ROBO2: variants seen among roughly 807,000 people sequenced by gnomAD.
ROBO2 encodes the protein roundabout guidance receptor 2.
A neutral mutation model predicts 160.8 loss-of-function variants in ROBO2; 53 were observed. That is an observed-to-expected ratio of 0.33 (90% CI 0.26 to 0.41). ROBO2 has a LOEUF of 0.41. ROBO2 is among the 10% of genes least tolerant of loss of function. ROBO2 has a pLI of 1.00. For missense variants in ROBO2, 1,577 were observed against 1,722.4 expected (o/e 0.92, Z 1.49); for synonymous variants, 664 against 611.7 (o/e 1.09, Z -1.26).
At chr3:77,243,569 A>G (rs1007737901) in intron 2 of ROBO2, among the ~76,000 whole-genome samples, 6 of 152,276 alleles carry the variant, frequency 3.9e-5, no homozygotes, top group Admixed American at 1.3e-4. Flanking sequence ...CTTTGCTACT[A>G]TAGTCCCCTC....
Position 76,828,746 on chromosome 3 carries a change from C to T in ROBO2, c.110-269268C>T, listed in dbSNP as rs2066801516. Among the ~76,000 whole-genome samples, 2 of 152,076 alleles carry T rather than the reference C, an allele frequency of 1.3e-5. 1 individual carries two copies. Among genetic ancestry groups the T allele is most frequent in the South Asian group, 4.1e-4 (2 of 4,830 alleles). Reference sequence around the variant, plus strand: ...AAATATATCTAAGCATACCTGGTCCCTTGATATTTTTCTTATCCTTTATGT... The same window carrying T: ...AAATATATCTAAGCATACCTGGTCCTTTGATATTTTTCTTATCCTTTATGT... On this transcript the variant is annotated intron_variant, in intron 2 of 26. Coordinates refer to the ROBO2 transcript ENST00000487694.
At chr3:77,311,719 A>T (rs551309077) in intron 2 of ROBO2, among the ~76,000 whole-genome samples, 1 of 152,272 alleles carries the variant, frequency 6.6e-6, no homozygotes, top group South Asian at 2.1e-4. Flanking sequence ...TGGATCACTA[A>T]TCTCTTTTTC....
intron 2 of ROBO2, among the ~76,000 whole-genome samples, chr3:77,406,710 A>G (rs2076280939): frequency 1.3e-5 from 2 of 152,116 alleles, no homozygotes. Context: ...TTGTTTTCAC[A>G]TATTTTGAAA....
intron 2 of ROBO2, among the ~76,000 whole-genome samples, chr3:77,200,578 A>G (rs951203405): frequency 6.6e-6 from 1 of 151,962 alleles, no homozygotes; most frequent in Non-Finnish European, 1.5e-5. Flanking sequence ...TTTGTCTTGC[A>G]TAAAGACGAT....
intron 2 of ROBO2, among the ~76,000 whole-genome samples, chr3:77,396,758 A>G (rs1193080416): frequency 1.3e-5 from 2 of 152,100 alleles, no homozygotes; most frequent in Non-Finnish European, 2.9e-5. Context: ...GCAAAAGTAC[A>G]TTCAGTTGTT....
At chr3:76,809,754 G>A (rs952805300) in intron 2 of ROBO2, among the ~76,000 whole-genome samples, 1 of 151,992 alleles carries the variant, frequency 6.6e-6, no homozygotes, top group Non-Finnish European at 1.5e-5. Context: ...TTTAAAGGAG[G>A]CATTCTTTTT....
At chr3:77,222,881 G>A (rs1393622213) in intron 2 of ROBO2, among the ~76,000 whole-genome samples, 1 of 152,130 alleles carries the variant, frequency 6.6e-6, no homozygotes, top group Non-Finnish European at 1.5e-5. Flanking sequence ...GGTGTACAAA[G>A]CACTTAAAGC....
intron 2 of ROBO2, among the ~76,000 whole-genome samples, chr3:76,365,892 C>A (rs1178325822): frequency 1.3e-5 from 2 of 152,014 alleles, no homozygotes; most frequent in African/African-American, 2.4e-5. Flanking sequence ...AAACCAAAGA[C>A]AAAATGTCAC....
chr3:77,286,256 C>CTTTT lies in ROBO2; in HGVS notation c.388+187932_388+187935dup, dbSNP rs10663209. Among the ~76,000 whole-genome samples the CTTTT allele has an allele frequency of 9.0e-4, 108 of 119,834 alleles. 2 individuals are homozygous for CTTTT. Among genetic ancestry groups the CTTTT allele is most frequent in the African/African-American group, 2.8e-3 (87 of 31,366 alleles). 78.6% of individuals were successfully genotyped at this position (119,834 alleles called of 152,430 possible). ...AGCCTAGAAACACAAAATTATGGAG[C>CTTTT]TTTTTTTTTTTTTTTTTTTGAGCTT... On this transcript the variant is annotated intron_variant, in intron 2 of 25. Coordinates refer to ENST00000461745, the Ensembl canonical transcript of ROBO2.
chr3:77,181,378 A>G (rs2080769101), intron 2 of ROBO2, among the ~76,000 whole-genome samples: 1 of 152,158 alleles, frequency 6.6e-6, no homozygotes, highest in Non-Finnish European at 1.5e-5. Flanking sequence ...ATTTCCATAT[A>G]TATTCCAAAG....
At chr3:76,878,682 T>C (rs2073033012) in intron 2 of ROBO2, among the ~76,000 whole-genome samples, 1 of 152,144 alleles carries the variant, frequency 6.6e-6, no homozygotes, top group Admixed American at 6.6e-5. Flanking sequence ...AACATAGTTT[T>C]TATAGTTGGA....
chr3:77,339,817 T>A (rs1366118156), intron 2 of ROBO2, among the ~76,000 whole-genome samples: 6 of 152,018 alleles, frequency 3.9e-5, no homozygotes, highest in African/African-American at 1.4e-4. Context: ...TTCATAGGAT[T>A]TTTTTCCCCT....
exon 9 of ROBO2, chr3:77,558,039 G>A: frequency 6.2e-7 from 1 of 1,613,202 alleles, no homozygotes; most frequent in Non-Finnish European, 8.5e-7. Flanking sequence ...TAAAGCCACT[G>A]GTGATCCTCT....
intron 4 of ROBO2, among the ~76,000 whole-genome samples, chr3:77,488,204 C>T (rs1010692961): frequency 1.1e-4 from 17 of 152,118 alleles, no homozygotes; most frequent in African/African-American, 4.1e-4. Context: ...CACTGGCAAA[C>T]AACACTACTG....
rs571522687 is a variant in ROBO2 at position 76,546,453 on chromosome 3, T to G, written c.110-551561T>G. Among the ~76,000 whole-genome samples, 3 of 151,966 alleles carry G rather than the reference T, an allele frequency of 2.0e-5. No homozygotes were observed. The South Asian group carries it at 6.2e-4, about 32-fold the overall frequency. ...GCACGGCAAAGAGAAATTAAGATTA[T>G]AAATGGAACTAAGGTTGCTAATCAA... is the stretch of plus-strand genomic sequence containing the variant. On this transcript the variant is annotated intron_variant, in intron 2 of 26. Coordinates refer to the ROBO2 transcript ENST00000487694.
intron 2 of ROBO2, among the ~76,000 whole-genome samples, chr3:76,107,582 G>A (rs571245667): frequency 9.9e-5 from 15 of 151,842 alleles, no homozygotes; most frequent in African/African-American, 3.4e-4. Flanking sequence ...CTTTGCATAC[G>A]CTATTTTATT....
intron 2 of ROBO2, among the ~76,000 whole-genome samples, chr3:76,884,750 T>C (rs1042230102): frequency 2.0e-5 from 3 of 152,202 alleles, no homozygotes; most frequent in African/African-American, 7.2e-5. Flanking sequence ...AATTAAATTT[T>C]ATTAATTTTA....
intron 4 of ROBO2, among the ~76,000 whole-genome samples, chr3:77,485,901 A>C (rs2085295333): frequency 6.6e-6 from 1 of 152,050 alleles, no homozygotes. Flanking sequence ...TAGGTCCCAC[A>C]TCCATTAGCT....
At chr3:76,648,705 T>C (rs1021870965) in intron 2 of ROBO2, among the ~76,000 whole-genome samples, 7 of 152,036 alleles carry the variant, frequency 4.6e-5, no homozygotes, top group Non-Finnish European at 1.0e-4. Context: ...TGACGAAGGG[T>C]ATATGAGTAT....
Sources: gnomAD v4.1 joint callset for allele counts (sites outside exome capture counted in the v4.1 genomes callset) on GRCh38, gnomAD v4.1.1 for gene constraint, MANE v1.5 for transcripts, NCBI Gene and HGNC (gene_info 2026-07-23, HGNC 2026-07-21) for gene names.